Variants in NEBL observed in about 807,000 individuals in gnomAD.
NEBL encodes the protein nebulette.
In NEBL, 122 loss-of-function variants were observed where a neutral mutation model predicts 140.2. That is an observed-to-expected ratio of 0.87 (90% CI 0.75 to 1.01). The LOEUF (loss-of-function observed/expected upper bound fraction) is 1.01. Among genes scored for constraint, NEBL ranks in the 50% least tolerant of loss-of-function variants. The pLI, the probability that NEBL is intolerant of heterozygous loss-of-function variation, is 0.00. For synonymous variants in NEBL, 436 were observed against 398.9 expected, an observed-to-expected ratio of 1.09 and a Z score of -1.11; for missense variants, 1,365 against 1,231.3, an observed-to-expected ratio of 1.11 and a Z score of -1.62.
chr10:21,257,820 G>T (rs965120646), intron 1 of NEBL, among the ~76,000 whole-genome samples: 2 of 151,892 alleles, frequency 1.3e-5, no homozygotes, highest in East Asian at 3.9e-4. Flanking sequence ...AGGAGGTGGA[G>T]CTTGCAGTGA....
At chr10:21,104,385 C>G (rs10828189) in intron 2 of NEBL, among the ~76,000 whole-genome samples, 31,837 of 151,976 alleles carry the variant, frequency 0.21, 3,495 homozygotes, top group East Asian at 0.35. Flanking sequence ...CTCCCCATTT[C>G]ACTAGGCCTT....
chr10:20,796,346 G>A (rs1443693998), intron 26 of NEBL, among the ~76,000 whole-genome samples: 2 of 111,820 alleles, frequency 1.8e-5, no homozygotes, highest in Non-Finnish European at 3.4e-5. Context: ...GGTGACAAGA[G>A]TGAAACTCAG....
At chr10:20,876,114 G>A (rs1412139408) in intron 5 of NEBL, among the ~76,000 whole-genome samples, 1 of 152,136 alleles carries the variant, frequency 6.6e-6, no homozygotes, top group Non-Finnish European at 1.5e-5. Flanking sequence ...TTATTTTTCT[G>A]TAAGAGAATA....
At chr10:20,946,610 C>T (rs563771476) in intron 4 of NEBL, among the ~76,000 whole-genome samples, 6 of 152,224 alleles carry the variant, frequency 3.9e-5, no homozygotes, top group Admixed American at 3.3e-4. Context: ...TACAGGTGCA[C>T]GTCACCACAC....
chr10:20,879,182 G>A (rs1196579333), intron 5 of NEBL, among the ~76,000 whole-genome samples: 4 of 152,186 alleles, frequency 2.6e-5, no homozygotes, highest in African/African-American at 7.2e-5. Flanking sequence ...AACCTTTAAG[G>A]TGGAGACAGC....
intron 2 of NEBL, among the ~76,000 whole-genome samples, chr10:21,053,774 T>G (rs602053): frequency 6.6e-6 from 1 of 151,934 alleles, no homozygotes; most frequent in African/African-American, 2.4e-5. Flanking sequence ...GGCTCAAATC[T>G]GTAATCCCAG....
chr10:20,866,637 T>G (rs148814196), intron 7 of NEBL, among the ~76,000 whole-genome samples: 2 of 152,246 alleles, frequency 1.3e-5, no homozygotes, highest in Non-Finnish European at 2.9e-5. Flanking sequence ...TCCCCTTGAG[T>G]AGAGTTTACT....
At chr10:20,890,100 G>A (rs1257045905) in intron 2 of NEBL, 151 bp from the exon 3 acceptor site, 1 of 610,172 alleles carries the variant, frequency 1.6e-6, no homozygotes, top group East Asian at 2.8e-5. Flanking sequence ...TAAATAAACG[G>A]CTATCCAGCA....
intron 2 of NEBL, among the ~76,000 whole-genome samples, chr10:21,122,099 C>A (rs1441176993): frequency 1.3e-5 from 2 of 151,978 alleles, no homozygotes; most frequent in African/African-American, 4.8e-5. Flanking sequence ...GATCTCGGCT[C>A]ACTGAAACCT....
rs139784284 is a variant in NEBL, at chr10:20,839,154, C to T, written c.1338+1585G>A. 5.1e-3 allele frequency among the ~76,000 whole-genome samples: 770 copies of T among 152,172 alleles called. 10 individuals carry two copies. The highest frequency in any genetic ancestry group is 0.018 in the African/African-American group (742 of 41,480). On this transcript the variant is annotated intron_variant, in intron 13 of 27. Transcript: ENST00000377122. ...GTTTTTCAATCTTATTCTCCTAGGC[C>T]GGTTCTTCCTTCTCCTAATAAGGCC...
At chr10:20,933,666 A>G (rs953404812) in intron 4 of NEBL, among the ~76,000 whole-genome samples, 19 of 152,208 alleles carry the variant, frequency 1.2e-4, no homozygotes, top group Admixed American at 1.1e-3. Context: ...CCTGGGAGGC[A>G]GAGGTTGCAG....
At chr10:20,933,571 T>C (rs974813439) in intron 4 of NEBL, among the ~76,000 whole-genome samples, 21 of 151,628 alleles carry the variant, frequency 1.4e-4, no homozygotes, top group African/African-American at 5.1e-4. Context: ...CCATTTCTAC[T>C]AAAAATACAA....
intron 2 of NEBL, chr10:21,146,416 C>G (rs770897508): frequency 3.2e-6 from 5 of 1,556,550 alleles, no homozygotes; most frequent in South Asian, 1.1e-5. Flanking sequence ...CACAAACACT[C>G]TCTCTCATAT....
chr10:21,043,722 T>C (rs978955049), intron 2 of NEBL, among the ~76,000 whole-genome samples: 5 of 152,202 alleles, frequency 3.3e-5, no homozygotes, highest in Admixed American at 6.5e-5. Context: ...CGCCAAACAA[T>C]TGAGGTCTCT....
chr10:21,082,535 TAAAAAAAAAAAAAAA>T (rs61234594), intron 2 of NEBL, among the ~76,000 whole-genome samples: 38 of 117,264 alleles, frequency 3.2e-4, no homozygotes, highest in Non-Finnish European at 2.8e-4. Flanking sequence ...CCACCACCAC[TAAAAAAAAAAAAAAA>T]AAAAAAAAAA....
chr10:20,826,393 T>C, intron 18 of NEBL, 54 bp downstream of exon 18: 2 of 1,352,440 alleles, frequency 1.5e-6, no homozygotes, highest in African/African-American at 1.4e-5. Context: ...AAAACATTTG[T>C]CTATAGTTTT....
chr10:21,199,294 A>G (rs1841698710), intron 3 of NEBL, among the ~76,000 whole-genome samples: 1 of 152,060 alleles, frequency 6.6e-6, no homozygotes, highest in Admixed American at 6.5e-5. Context: ...CAGCCTCCCA[A>G]AGTGCTGGGA....
rs5783757 is a variant in NEBL, at chr10:20,947,681, TCACACACACACACA to T, written c.357+13977_357+13990del. On this transcript the variant is annotated intron_variant, in intron 4 of 6. Coordinates refer to the NEBL transcript ENST00000417816. ...AGCCATTGACATTTTTACTGAGAAA[TCACACACACACACA>T]CACACACACACACACACACACAGTG... 1.9e-3 allele frequency among the ~76,000 whole-genome samples: 281 copies of T among 144,278 alleles called. 9 individuals are homozygous for T. The East Asian group carries it at 0.05, about 26-fold the overall frequency. 94.7% of individuals were successfully genotyped at this position (144,278 alleles called of 152,430 possible).
At chr10:21,234,001 A>G (rs1842310368) in intron 3 of NEBL, among the ~76,000 whole-genome samples, 1 of 125,044 alleles carries the variant, frequency 8.0e-6, no homozygotes, top group Admixed American at 9.0e-5. Context: ...ATAATTTAGG[A>G]GATTGTGAGA....
Sources: gnomAD v4.1 joint callset for allele counts (sites outside exome capture counted in the v4.1 genomes callset) on GRCh38, gnomAD v4.1.1 for gene constraint, MANE v1.5 for transcripts, NCBI Gene and HGNC (gene_info 2026-07-23, HGNC 2026-07-21) for gene names.